Variants in GABRP observed in about 807,000 individuals in gnomAD.
The protein encoded by GABRP is gamma-aminobutyric acid type A receptor subunit pi, also known as gamma-aminobutyric acid receptor subunit pi.
GABRP carries 52 observed loss-of-function variants against 47.8 expected under a neutral mutation model. The observed-to-expected ratio is 1.09, with a 90% CI of 0.87 to 1.37. GABRP has a LOEUF of 1.37. Ranked by LOEUF, GABRP falls within the 40% of genes most tolerant of loss-of-function variation. GABRP has a pLI of 0.00. For missense variants in GABRP, 525 were observed against 542.8 expected (o/e 0.97, Z 0.33); for synonymous variants, 221 against 205.8 (o/e 1.07, Z -0.63).
chr5:170,805,882 A>G, intron 7 of GABRP, 29 bp downstream of exon 7: 3 of 1,610,344 alleles, frequency 1.9e-6, no homozygotes, highest in Non-Finnish European at 2.5e-6. Context: ...TGTATGAAAT[A>G]AAAATAAGTG....
At chr5:170,799,351 G>A (rs193084908) in intron 6 of GABRP, among the ~76,000 whole-genome samples, 7 of 152,232 alleles carry the variant, frequency 4.6e-5, no homozygotes, top group East Asian at 1.9e-4. Flanking sequence ...CTGAGGAATC[G>A]CCACACTGTC....
chr5:170,809,840 C>T (rs1474379533), intron 9 of GABRP, 85 bp downstream of exon 9: 2 of 1,254,540 alleles, frequency 1.6e-6, no homozygotes, highest in Admixed American at 2.0e-5. Flanking sequence ...GGCTTCTATC[C>T]CCACCCCACC....
Position 170,812,320 on chromosome 5 carries a change from G to A in GABRP, c.*62G>A. The A allele has an allele frequency of 6.6e-6, 9 of 1,363,818 alleles. No homozygotes were observed. Among genetic ancestry groups the A allele is most frequent in the Non-Finnish European group, 9.2e-6 (9 of 980,628 alleles). The allele number at this position is 1,363,818 out of a possible 1,614,324, so 84.5% of individuals were successfully genotyped here. A position where few individuals can be genotyped will look rare whatever the true frequency, so the allele number is the denominator to read the frequency against. On this transcript the variant is annotated 3_prime_UTR_variant, in exon 10 of 10. Transcript: ENST00000265294. ...ACAGGACAAGATAATGATGTAAATGGTATTTTAGGCCAAGTGTGCACCCAC... is the reference window on the plus strand; with the variant it reads ...ACAGGACAAGATAATGATGTAAATGATATTTTAGGCCAAGTGTGCACCCAC...
At position 170,812,339 on chromosome 5, in the gene GABRP, C is replaced by A; in HGVS notation, c.*81C>A. On this transcript the variant is annotated 3_prime_UTR_variant, in exon 10 of 10. Coordinates refer to ENST00000265294, the MANE Select transcript of GABRP (RefSeq NM_014211.3). ...TAAATGGTATTTTAGGCCAAGTGTG[C>A]ACCCACATCCAATGGTGCTACAAGT... The A allele has an allele frequency of 9.5e-7, 1 of 1,056,956 alleles. No homozygotes were observed. Among genetic ancestry groups the A allele is most frequent in the Non-Finnish European group, 1.4e-6 (1 of 713,748 alleles). The allele number at this position is 1,056,956 out of a possible 1,614,324, so 65.5% of individuals were successfully genotyped here. A position where few individuals can be genotyped will look rare whatever the true frequency, so the allele number is the denominator to read the frequency against.
intron 5 of GABRP, among the ~76,000 whole-genome samples, chr5:170,795,909 C>T (rs1250218959): frequency 2.6e-5 from 4 of 152,222 alleles, no homozygotes; most frequent in Non-Finnish European, 5.9e-5. Context: ...CACCACTCTA[C>T]TTGTCTGAGT....
intron 6 of GABRP, among the ~76,000 whole-genome samples, chr5:170,801,672 C>T (rs1581601153): frequency 6.6e-6 from 1 of 152,218 alleles, no homozygotes; most frequent in African/African-American, 2.4e-5. Context: ...TGTCTATCCT[C>T]ATTTAAATAC....
At chr5:170,782,770 G>T (rs1765040804), upstream of GABRP, 1 of 152,288 alleles carries the variant, frequency 6.6e-6, no homozygotes, top group Non-Finnish European at 1.5e-5. Flanking sequence ...ATGATGTCAG[G>T]AGGGAAGGAG....
intron 6 of GABRP, among the ~76,000 whole-genome samples, chr5:170,803,444 G>T (rs1765646220): frequency 6.6e-6 from 1 of 152,182 alleles, no homozygotes; most frequent in African/African-American, 2.4e-5. Context: ...GAAGTGGGAA[G>T]AATAATAGTG....
upstream of GABRP, among the ~76,000 whole-genome samples, chr5:170,783,341 T>C (rs1207912577): frequency 1.3e-5 from 2 of 152,032 alleles, no homozygotes; most frequent in Non-Finnish European, 2.9e-5. Flanking sequence ...AGCTTCTCAT[T>C]TTATAGATGG....
chr5:170,804,854 A>C (rs1277785549), intron 6 of GABRP, among the ~76,000 whole-genome samples: 1 of 151,868 alleles, frequency 6.6e-6, no homozygotes, highest in African/African-American at 2.4e-5. Context: ...AGTTTTCAAG[A>C]ATAATGTGGG....
intron 6 of GABRP, among the ~76,000 whole-genome samples, chr5:170,801,369 C>A (rs765708734): frequency 2.0e-5 from 3 of 152,172 alleles, no homozygotes; most frequent in Non-Finnish European, 2.9e-5. Flanking sequence ...TTCCCAATTT[C>A]TCCAGTGTCC....
intron 3 of GABRP, among the ~76,000 whole-genome samples, chr5:170,789,710 C>T (rs1765217778): frequency 6.6e-6 from 1 of 152,102 alleles, no homozygotes; most frequent in Non-Finnish European, 1.5e-5. Flanking sequence ...GCACACTAGG[C>T]CCTTCCCAGC....
chr5:170,789,448 T>C (rs1432198733), intron 3 of GABRP, among the ~76,000 whole-genome samples: 6 of 152,174 alleles, frequency 3.9e-5, no homozygotes, highest in Non-Finnish European at 5.9e-5. Context: ...ACCTGCAAGA[T>C]AAAGGAATGC....
intron 4 of GABRP, 79 bp downstream of exon 4, chr5:170,794,377 A>G: frequency 8.6e-6 from 1 of 116,398 alleles, no homozygotes; most frequent in Non-Finnish European, 1.6e-5. Flanking sequence ...TAGCCGCTCA[A>G]AAAAAAAAAA....
At chr5:170,789,749 C>T (rs186165485) in intron 3 of GABRP, among the ~76,000 whole-genome samples, 1 of 152,268 alleles carries the variant, frequency 6.6e-6, no homozygotes, top group Non-Finnish European at 1.5e-5. Context: ...CCATTCTCAT[C>T]CACCCAAGTC....
intron 8 of GABRP, 47 bp from the exon 9 acceptor site, chr5:170,809,521 G>A (rs754723194): frequency 6.3e-7 from 1 of 1,588,786 alleles, no homozygotes; most frequent in Non-Finnish European, 8.6e-7. Context: ...CTATGGTGGA[G>A]GACTAACCAG....
upstream of GABRP, among the ~76,000 whole-genome samples, chr5:170,783,396 A>G (rs1389953763): frequency 6.6e-6 from 1 of 152,110 alleles, no homozygotes; most frequent in Non-Finnish European, 1.5e-5. Flanking sequence ...TAGCCATTCC[A>G]TTGCACCAGG....
At chr5:170,783,338 C>T (rs1765052035), upstream of GABRP, among the ~76,000 whole-genome samples, 1 of 152,174 alleles carries the variant, frequency 6.6e-6, no homozygotes, top group Non-Finnish European at 1.5e-5. Flanking sequence ...GTCAGCTTCT[C>T]ATTTTATAGA....
At chr5:170,788,788 C>G (rs993961666) in intron 2 of GABRP, 120 bp downstream of exon 2, 2 of 878,840 alleles carry the variant, frequency 2.3e-6, no homozygotes, top group African/African-American at 3.4e-5. Flanking sequence ...CCACTCACTT[C>G]CCTGGAGCAC....
Sources: allele counts gnomAD v4.1 joint callset (sites outside exome capture counted in the v4.1 genomes callset), GRCh38; gene constraint gnomAD v4.1.1; transcripts MANE v1.5; gene names NCBI Gene and HGNC (gene_info 2026-07-23, HGNC 2026-07-21).